GPHN: variants seen among roughly 807,000 people sequenced by gnomAD.
GPHN encodes gephyrin.
A neutral mutation model predicts 95.5 loss-of-function variants in GPHN; 17 were observed. That is an observed-to-expected ratio of 0.18 (90% confidence interval 0.12 to 0.27). The LOEUF is 0.27. GPHN is among the 10% of genes least tolerant of loss of function. GPHN has a pLI of 1.00. For synonymous variants in GPHN, 320 were observed against 322.5 expected (o/e 0.99, Z 0.08); for missense variants, 660 against 978.1 (o/e 0.67, Z 4.34).
At chr14:67,657,083 G>C in the GPHN span, 1 of 152,398 alleles carries the variant, frequency 6.6e-6, no homozygotes, top group Admixed American at 6.5e-5. Flanking sequence ...CCATGAATAA[G>C]CTATTCTGTT....
intron 5 of GPHN, among the ~76,000 whole-genome samples, chr14:66,889,698 A>G (rs2064373442): frequency 6.6e-6 from 1 of 152,104 alleles, no homozygotes; most frequent in South Asian, 2.1e-4. Context: ...TATAACTATA[A>G]GTTAAGAAAC....
At chr14:67,488,426 C>CT in the GPHN span, 3 of 152,514 alleles carry the variant, frequency 2.0e-5, no homozygotes, top group African/African-American at 7.2e-5. Context: ...TCACAGTGGG[C>CT]TGCTGTGCTC....
chr14:66,584,249 C>G (rs957923813), intron 1 of GPHN, among the ~76,000 whole-genome samples: 1 of 152,136 alleles, frequency 6.6e-6, no homozygotes, highest in African/African-American at 2.4e-5. Context: ...TATCCTGAGA[C>G]TTTGCTGAAG....
At chr14:67,080,186 A>G (rs1262855890) in intron 11 of GPHN, among the ~76,000 whole-genome samples, 4 of 151,988 alleles carry the variant, frequency 2.6e-5, no homozygotes, top group Admixed American at 2.0e-4. Context: ...GCATCTTTTT[A>G]TATTCTCATT....
intron 6 of GPHN, among the ~76,000 whole-genome samples, chr14:66,920,390 C>T (rs2066154755): frequency 6.6e-6 from 1 of 152,086 alleles, no homozygotes; most frequent in Non-Finnish European, 1.5e-5. Context: ...GTCACCCTGG[C>T]TGGAATGCAG....
At chr14:67,592,235 G>T in the GPHN span, 3 of 277,798 alleles carry the variant, frequency 1.1e-5, no homozygotes, top group Admixed American at 1.4e-4. Context: ...AGGAGTTCAA[G>T]ATCAGCCTAG....
At chr14:66,944,072 AAAG>A (rs1310858567) in intron 8 of GPHN, among the ~76,000 whole-genome samples, 1 of 152,236 alleles carries the variant, frequency 6.6e-6, no homozygotes, top group African/African-American at 2.4e-5. Context: ...AGATCCAAGA[AAAG>A]AAAAACATAA....
chr14:67,203,469 G>A, the GPHN span, among the ~76,000 whole-genome samples: 1 of 152,062 alleles, frequency 6.6e-6, no homozygotes, highest in Non-Finnish European at 1.5e-5. Context: ...TATGACAATG[G>A]GTATCCAACA....
At chr14:66,919,780 G>C (rs185256533) in intron 6 of GPHN, among the ~76,000 whole-genome samples, 67 of 151,974 alleles carry the variant, frequency 4.4e-4, no homozygotes, top group African/African-American at 1.6e-3. Flanking sequence ...AGATTAAGTA[G>C]ATTTGGCCAG....
chr14:67,203,083 T>A, the GPHN span: 7 of 1,609,630 alleles, frequency 4.3e-6, no homozygotes, highest in Admixed American at 1.2e-4. Context: ...TTTCCTGTTT[T>A]CTGCACTCAG....
chr14:67,282,144 A>G, the GPHN span, among the ~76,000 whole-genome samples: 1 of 152,196 alleles, frequency 6.6e-6, no homozygotes, highest in Non-Finnish European at 1.5e-5. Context: ...ATTGTCAGTC[A>G]TAGCCTCAGG....
At chr14:67,650,704 T>C in the GPHN span, 97,520 of 1,612,962 alleles carry the variant, frequency 0.06, 5,092 homozygotes, top group East Asian at 0.23. Context: ...TGTCACACTT[T>C]GTTCTTCCAG....
the GPHN span, chr14:67,592,786 CTTTA>C: frequency 3.4e-5 from 34 of 1,006,800 alleles, no homozygotes; most frequent in African/African-American, 4.9e-5. Context: ...TTTCTTTTTC[CTTTA>C]TTTATTTATT....
chr14:66,548,212 G>A (rs895607470), intron 1 of GPHN, among the ~76,000 whole-genome samples: 8 of 136,334 alleles, frequency 5.9e-5, no homozygotes, highest in African/African-American at 1.4e-4. Flanking sequence ...ATGGAGTCTC[G>A]CTCTGTCGCC....
the GPHN span, among the ~76,000 whole-genome samples, chr14:67,545,189 C>G: frequency 2.3e-4 from 35 of 152,276 alleles, no homozygotes; most frequent in African/African-American, 7.9e-4. Flanking sequence ...AGCCCCTTCC[C>G]TTTAAGTTAG....
At chr14:67,013,241 A>G (rs1335855607) in intron 9 of GPHN, among the ~76,000 whole-genome samples, 2 of 152,062 alleles carry the variant, frequency 1.3e-5, no homozygotes, top group Admixed American at 1.3e-4. Context: ...AATACTTGAA[A>G]TAATTTAGTC....
the GPHN span, among the ~76,000 whole-genome samples, chr14:67,594,367 A>G: frequency 6.6e-6 from 1 of 152,188 alleles, no homozygotes; most frequent in Non-Finnish European, 1.5e-5. Flanking sequence ...GAAAGGACCC[A>G]GCCGAGTGAG....
At chr14:67,193,417 CTA>C in the GPHN span, among the ~76,000 whole-genome samples, 2 of 137,974 alleles carry the variant, frequency 1.4e-5, no homozygotes, top group African/African-American at 5.3e-5. Flanking sequence ...ATCTATATAT[CTA>C]TATTTATATC....
At chr14:67,034,999 A>C (rs1567235785) in intron 10 of GPHN, among the ~76,000 whole-genome samples, 1 of 152,096 alleles carries the variant, frequency 6.6e-6, no homozygotes, top group Non-Finnish European at 1.5e-5. Context: ...ATTCTGTAGG[A>C]TAGACCACAT....
Sources: allele counts gnomAD v4.1 joint callset (sites outside exome capture counted in the v4.1 genomes callset), GRCh38; gene constraint gnomAD v4.1.1; transcripts MANE v1.5; gene names NCBI Gene and HGNC (gene_info 2026-07-23, HGNC 2026-07-21).